The following NELFB variants were observed in gnomAD, a reference collection of about 807,000 sequenced individuals.
The protein encoded by NELFB is negative elongation factor B.
NELFB carries 34 observed loss-of-function variants against 60.2 expected under a neutral mutation model. The observed-to-expected ratio is 0.56, with a 90% CI of 0.43 to 0.75. NELFB has a LOEUF of 0.75. Among genes scored for constraint, NELFB ranks in the 30% least tolerant of loss-of-function variants. NELFB has a pLI of 0.00. For synonymous variants in NELFB, 459 were observed against 382.1 expected, an observed-to-expected ratio of 1.20 and a Z score of -2.35; for missense variants, 770 against 831.6, an observed-to-expected ratio of 0.93 and a Z score of 0.91.
At chr9:137,270,030 C>T (rs970590311) in intron 10 of NELFB, among the ~76,000 whole-genome samples, 1 of 152,118 alleles carries the variant, frequency 6.6e-6, no homozygotes, top group Non-Finnish European at 1.5e-5. Flanking sequence ...GAGCATGGTA[C>T]GGTGAGGACC....
chr9:137,267,156 C>G (rs1830529911), intron 9 of NELFB, 70 bp downstream of exon 9: 1 of 1,611,660 alleles, frequency 6.2e-7, no homozygotes, highest in Non-Finnish European at 8.5e-7. Context: ...CAGGGGGCTG[C>G]CTCAGGGCTG....
chr9:137,270,229 C>T (rs893055603), intron 10 of NELFB, among the ~76,000 whole-genome samples: 3 of 147,550 alleles, frequency 2.0e-5, no homozygotes, highest in African/African-American at 7.6e-5. Context: ...TGCAGTGAAT[C>T]GAGATCACGG....
At chr9:137,256,235 G>A in intron 2 of NELFB, 94 bp from the exon 3 acceptor site, 1 of 1,399,384 alleles carries the variant, frequency 7.1e-7, no homozygotes, top group Non-Finnish European at 1.0e-6. Flanking sequence ...GGGCGTGGAG[G>A]CTTGTCCTGG....
rs750954060 is a variant in NELFB, at chr9:137,256,965, C to G, written c.652C>G (p.Leu218Val). The change falls in exon 4 of 13, where the codon CTG becomes GTG. Residue 218 changes from leucine (L) to valine (V), a missense_variant. By Grantham distance (32) the Leu-to-Val change is conservative. Coordinates refer to ENST00000343053, the MANE Select transcript of NELFB (RefSeq NM_015456.5). ...TTCCCCACTCCTGAAGCAGTACATCCTGGAGAAGGAGAGCGCTCTCTTCAG... is the reference window on the plus strand; with the variant it reads ...TTCCCCACTCCTGAAGCAGTACATCGTGGAGAAGGAGAGCGCTCTCTTCAG... The G allele has an allele frequency of 1.2e-6, 2 of 1,614,176 alleles. No homozygotes were observed. The highest frequency in any genetic ancestry group is 1.7e-6 in the Non-Finnish European group (2 of 1,180,042).
chr9:137,258,390 A>G (rs986780880), intron 4 of NELFB, among the ~76,000 whole-genome samples: 2 of 151,150 alleles, frequency 1.3e-5, no homozygotes, highest in Non-Finnish European at 2.9e-5. Context: ...AGCCTCCTGA[A>G]GTGCTGGGAT....
At chr9:137,266,534 C>T in intron 8 of NELFB, 108 bp downstream of exon 8, 2 of 940,814 alleles carry the variant, frequency 2.1e-6, no homozygotes, top group South Asian at 1.6e-5. Context: ...CCCTTTGGTC[C>T]CAAAGCTTCC....
chr9:137,262,081 C>G (rs1260188178), intron 4 of NELFB, among the ~76,000 whole-genome samples: 1 of 152,130 alleles, frequency 6.6e-6, no homozygotes, highest in Non-Finnish European at 1.5e-5. Flanking sequence ...ATCTAGAAGG[C>G]AGAGCCAGGT....
chr9:137,256,367 C>G lies in NELFB; in HGVS notation c.449C>G (p.Ser150Cys). Reference sequence around the variant, plus strand: ...GAAGACCTTCTGGAGAAGAGCTTTTCTCTGGTGAAGATGCCGTCCCTGCAG... The same window carrying G: ...GAAGACCTTCTGGAGAAGAGCTTTTGTCTGGTGAAGATGCCGTCCCTGCAG... Residue 150 changes from serine to cysteine, a missense_variant, in exon 3 of 13, where the codon TCT becomes TGT. Coordinates refer to ENST00000343053, the MANE Select transcript of NELFB (RefSeq NM_015456.5). 3.1e-6 allele frequency: 5 copies of G among 1,614,096 alleles called. No homozygotes were observed. The highest frequency in any genetic ancestry group is 4.2e-6 in the Non-Finnish European group (5 of 1,180,036).
intron 4 of NELFB, among the ~76,000 whole-genome samples, chr9:137,262,362 C>T (rs1189254307): frequency 2.0e-5 from 3 of 152,186 alleles, no homozygotes; most frequent in Non-Finnish European, 2.9e-5. Context: ...CAGATGCTGG[C>T]GTCACCGCTA....
chr9:137,271,401 C>A (rs1830582368), intron 10 of NELFB, among the ~76,000 whole-genome samples: 1 of 152,258 alleles, frequency 6.6e-6, no homozygotes, highest in African/African-American at 2.4e-5. Flanking sequence ...GTGGCCTGGC[C>A]ACAGCTCCTT....
rs1830604714 is a variant in NELFB at position 137,273,050 on chromosome 9, G to A, written c.*122G>A. 2 of 1,154,124 alleles carry A rather than the reference G, an allele frequency of 1.7e-6. No individual in the cohort carries two copies. Among genetic ancestry groups the A allele is most frequent in the Non-Finnish European group, 1.2e-6 (1 of 852,058 alleles). The allele number at this position is 1,154,124 out of a possible 1,614,324, so 71.5% of individuals were successfully genotyped here. On this transcript the variant is annotated 3_prime_UTR_variant, in exon 13 of 13. Coordinates refer to ENST00000343053, the MANE Select transcript of NELFB (RefSeq NM_015456.5). Reference sequence around the variant, plus strand: ...TCTTCCCGGGGCTATGGCTGGGCCTGTCCTGCCGTCATGGCCCCCTGCTTC... The same window carrying A: ...TCTTCCCGGGGCTATGGCTGGGCCTATCCTGCCGTCATGGCCCCCTGCTTC...
Position 137,272,250 on chromosome 9 carries a change from G to A in NELFB, c.1631+28G>A, listed in dbSNP as rs762565077. On this transcript the variant is annotated intron_variant, in intron 11 of 12. Coordinates refer to ENST00000343053, the MANE Select transcript of NELFB (RefSeq NM_015456.5). Reference sequence around the variant, plus strand: ...AGGCCTGCTGGGTACCATCCGGCCCGCTCTGTCCTCTCAGCTCTTGTCCGT... The same window carrying A: ...AGGCCTGCTGGGTACCATCCGGCCCACTCTGTCCTCTCAGCTCTTGTCCGT... The A allele has an allele frequency of 1.2e-5, 20 of 1,611,384 alleles. No homozygotes were observed. In the South Asian group the frequency reaches 1.4e-4, roughly 12 times the overall value.
chr9:137,261,657 C>CAAAA (rs56873736), intron 4 of NELFB, among the ~76,000 whole-genome samples: 1 of 140,206 alleles, frequency 7.1e-6, no homozygotes, highest in Non-Finnish European at 1.5e-5. Flanking sequence ...GACTCCGTCT[C>CAAAA]AAAAAAAAAA....
intron 10 of NELFB, among the ~76,000 whole-genome samples, chr9:137,268,332 T>A (rs1411173800): frequency 2.6e-5 from 4 of 152,160 alleles, no homozygotes; most frequent in Non-Finnish European, 5.9e-5. Flanking sequence ...AGGCCTGTAA[T>A]CCCAGTGCTT....
chr9:137,259,700 ATTTATTT>A (rs1374299669), intron 4 of NELFB, among the ~76,000 whole-genome samples: 1 of 150,246 alleles, frequency 6.7e-6, no homozygotes, highest in African/African-American at 2.4e-5. Context: ...ACTTTTTAAA[ATTTATTT>A]TTTATTTTTT....
chr9:137,261,749 TAGA>T (rs1428791081), intron 4 of NELFB, among the ~76,000 whole-genome samples: 1 of 151,290 alleles, frequency 6.6e-6, no homozygotes, highest in African/African-American at 2.4e-5. Flanking sequence ...TGAGAGATTG[TAGA>T]AGTAAAGACA....
chr9:137,267,924 A>AC (rs986216088), intron 10 of NELFB, among the ~76,000 whole-genome samples: 6 of 151,974 alleles, frequency 3.9e-5, no homozygotes, highest in Non-Finnish European at 8.8e-5. Context: ...GGGGCTTGGG[A>AC]CCCCTCAGGT....
In NELFB at chr9:137,272,166, C is replaced by T; in HGVS notation, c.1575C>T (p.Ala525=). ...TTGCGCTGCTGGCCGACGAATTTGCCCTTGAGGACTTCTGCAGCAGCCTCT... is the reference window on the plus strand; with the variant it reads ...TTGCGCTGCTGGCCGACGAATTTGCTCTTGAGGACTTCTGCAGCAGCCTCT... The change falls in exon 11 of 13, where the codon GCC becomes GCT. Residue 525 remains alanine, a synonymous_variant. Coordinates refer to ENST00000343053, the MANE Select transcript of NELFB (RefSeq NM_015456.5). 1.2e-6 allele frequency: 2 copies of T among 1,614,210 alleles called. No homozygotes were observed. The highest frequency in any genetic ancestry group is 2.2e-5 in the East Asian group (1 of 44,886).
chr9:137,259,077 A>G (rs997481223), intron 4 of NELFB, among the ~76,000 whole-genome samples: 27 of 152,156 alleles, frequency 1.8e-4, no homozygotes, highest in African/African-American at 6.0e-4. Context: ...TGTTGTCTCA[A>G]CTACTCAGGA....
Sources: allele counts gnomAD v4.1 joint callset (sites outside exome capture counted in the v4.1 genomes callset), GRCh38; gene constraint gnomAD v4.1.1; transcripts MANE v1.5; gene names NCBI Gene and HGNC (gene_info 2026-07-23, HGNC 2026-07-21).